The following MAML2 variants were observed in gnomAD, a reference collection of about 807,000 sequenced individuals.
MAML2 encodes the protein mastermind like transcriptional coactivator 2.
In MAML2, 22 loss-of-function variants were observed where a neutral mutation model predicts 96.1. The observed-to-expected ratio is 0.23, with a 90% CI of 0.16 to 0.33. MAML2 has a LOEUF of 0.33. Ranked by LOEUF, MAML2 falls within the 10% of genes least tolerant of loss-of-function variation. The pLI is 1.00. For synonymous variants in MAML2, 561 were observed against 521.3 expected (o/e 1.08, Z -1.04); for missense variants, 1,367 against 1,392.4 (o/e 0.98, Z 0.29).
intron 1 of MAML2, among the ~76,000 whole-genome samples, chr11:96,331,049 C>T (rs138345875): frequency 2.6e-4 from 40 of 152,158 alleles, no homozygotes; most frequent in Middle Eastern, 3.4e-3. Flanking sequence ...GTGGGTGGAT[C>T]CTTTGAGCCC....
At chr11:96,131,844 T>C (rs974597498) in intron 1 of MAML2, among the ~76,000 whole-genome samples, 2 of 152,042 alleles carry the variant, frequency 1.3e-5, no homozygotes, top group Non-Finnish European at 2.9e-5. Context: ...ACACCGTCTC[T>C]ACTAAAAATA....
At chr11:96,317,615 T>C (rs1863649070) in intron 1 of MAML2, among the ~76,000 whole-genome samples, 1 of 152,118 alleles carries the variant, frequency 6.6e-6, no homozygotes, top group Non-Finnish European at 1.5e-5. Context: ...TCTCTAATGG[T>C]CACTCCAGGA....
At chr11:96,139,434 A>G (rs1401985088) in intron 1 of MAML2, among the ~76,000 whole-genome samples, 2 of 147,880 alleles carry the variant, frequency 1.4e-5, no homozygotes, top group African/African-American at 4.9e-5. Flanking sequence ...CTGAGATCCC[A>G]CCACTGCACT....
intron 1 of MAML2, among the ~76,000 whole-genome samples, chr11:96,153,581 G>A (rs1860961872): frequency 6.6e-6 from 1 of 152,166 alleles, no homozygotes; most frequent in South Asian, 2.1e-4. Context: ...AAGTGAGGTA[G>A]TGGCCTGTGT....
chr11:96,219,875 C>T (rs944667949), intron 1 of MAML2, among the ~76,000 whole-genome samples: 26 of 152,154 alleles, frequency 1.7e-4, no homozygotes, highest in East Asian at 3.8e-4. Context: ...CTGCCCACCT[C>T]GGCCTCCCAA....
chr11:96,057,102 A>G (rs1358250593), intron 2 of MAML2, among the ~76,000 whole-genome samples: 1 of 152,176 alleles, frequency 6.6e-6, no homozygotes, highest in African/African-American at 2.4e-5. Flanking sequence ...CAGTAGCAGA[A>G]GTAGGACAAG....
At chr11:96,040,191 A>G (rs1858785793) in intron 2 of MAML2, among the ~76,000 whole-genome samples, 1 of 152,196 alleles carries the variant, frequency 6.6e-6, no homozygotes, top group Admixed American at 6.5e-5. Context: ...AAGCAGACAT[A>G]AAAATCCTGG....
chr11:96,148,446 G>A (rs1459173811), intron 1 of MAML2, among the ~76,000 whole-genome samples: 4 of 151,126 alleles, frequency 2.6e-5, no homozygotes, highest in African/African-American at 9.7e-5. Context: ...TTAAAATGCT[G>A]CTTTGGGTAA....
At chr11:96,181,057 G>A (rs1591058837) in intron 1 of MAML2, among the ~76,000 whole-genome samples, 1 of 152,230 alleles carries the variant, frequency 6.6e-6, no homozygotes, top group East Asian at 1.9e-4. Flanking sequence ...GTTAAGGCAA[G>A]GACCGGCCAT....
chr11:96,132,047 C>T (rs1319832164), intron 1 of MAML2, among the ~76,000 whole-genome samples: 1 of 152,084 alleles, frequency 6.6e-6, no homozygotes, highest in East Asian at 1.9e-4. Context: ...ATGAATTGTA[C>T]ATTTTAAGGT....
At chr11:96,330,653 G>T (rs1452966624) in intron 1 of MAML2, among the ~76,000 whole-genome samples, 1 of 152,190 alleles carries the variant, frequency 6.6e-6, no homozygotes, top group Non-Finnish European at 1.5e-5. Flanking sequence ...TGGAAGATTG[G>T]CTGGGTCCAA....
At chr11:96,119,737 ATTCC>A (rs756995437) in intron 1 of MAML2, among the ~76,000 whole-genome samples, 10 of 152,068 alleles carry the variant, frequency 6.6e-5, no homozygotes, top group Non-Finnish European at 1.0e-4. Flanking sequence ...TTAATTAACT[ATTCC>A]TTCCCCACAC....
At chr11:96,165,010 A>AATATTG (rs1861169407) in intron 1 of MAML2, among the ~76,000 whole-genome samples, 2 of 152,206 alleles carry the variant, frequency 1.3e-5, no homozygotes, top group African/African-American at 4.8e-5. Flanking sequence ...TGGAAAATAC[A>AATATTG]GAATATTATA....
intron 2 of MAML2, among the ~76,000 whole-genome samples, chr11:96,045,902 GTT>G (rs60206394): frequency 0.022 from 3,045 of 136,054 alleles, 76 homozygotes; most frequent in African/African-American, 0.063. Flanking sequence ...GCACACTTCT[GTT>G]TTTTTTTTTT....
intron 1 of MAML2, among the ~76,000 whole-genome samples, chr11:96,214,869 G>C (rs1045130875): frequency 1.3e-5 from 2 of 152,154 alleles, no homozygotes; most frequent in Non-Finnish European, 2.9e-5. Context: ...CACATGCTCT[G>C]ACCTTTCTGA....
chr11:96,232,074 TGTAGTAACATGTG>T, intron 1 of MAML2, among the ~76,000 whole-genome samples: 1 of 152,358 alleles, frequency 6.6e-6, no homozygotes, highest in East Asian at 1.9e-4. Context: ...CTCTGGCTGA[TGTAGTAACATGTG>T]GTATCCTGCC....
At chr11:96,013,932 G>A (rs1858304093) in intron 2 of MAML2, among the ~76,000 whole-genome samples, 1 of 152,230 alleles carries the variant, frequency 6.6e-6, no homozygotes, top group East Asian at 1.9e-4. Context: ...TGATAAGGAA[G>A]GGGATCTAAT....
At chr11:96,281,365 G>C (rs1309576210) in intron 1 of MAML2, among the ~76,000 whole-genome samples, 1 of 152,068 alleles carries the variant, frequency 6.6e-6, no homozygotes, top group Non-Finnish European at 1.5e-5. Context: ...GTTGCCGCTA[G>C]GGGTGAATAT....
At chr11:96,299,432 C>G (rs1457251929) in intron 1 of MAML2, among the ~76,000 whole-genome samples, 2 of 151,810 alleles carry the variant, frequency 1.3e-5, no homozygotes, top group East Asian at 3.9e-4. Context: ...GCTGCCGGTG[C>G]CCTCCCAGAC....
Sources: gnomAD v4.1 joint callset for allele counts (sites outside exome capture counted in the v4.1 genomes callset) on GRCh38, gnomAD v4.1.1 for gene constraint, MANE v1.5 for transcripts, NCBI Gene and HGNC (gene_info 2026-07-23, HGNC 2026-07-21) for gene names.